SPOCK1: variants seen among roughly 807,000 people sequenced by gnomAD.
SPOCK1 encodes testican-1.
SPOCK1 carries 23 observed loss-of-function variants against 55.3 expected under a neutral mutation model. The ratio of observed to expected loss-of-function variants is 0.42; its 90% CI spans 0.30 to 0.59. SPOCK1 has a LOEUF of 0.59. Ranked by LOEUF, SPOCK1 falls within the 20% of genes least tolerant of loss-of-function variation. The probability of loss-of-function intolerance (pLI) is 0.22; values close to 1 mark genes in which losing one functional copy is unlikely to be tolerated. For missense variants in SPOCK1, 499 were observed against 552.5 expected, an observed-to-expected ratio of 0.90 and a Z score of 0.97; for synonymous variants, 226 against 221.0, an observed-to-expected ratio of 1.02 and a Z score of -0.20.
intron 5 of SPOCK1, among the ~76,000 whole-genome samples, chr5:137,087,280 T>G (rs917596485): frequency 6.6e-6 from 1 of 152,162 alleles, no homozygotes; most frequent in African/African-American, 2.4e-5. Context: ...AAGGGCTGAC[T>G]GCTGGAGGAA....
intron 3 of SPOCK1, among the ~76,000 whole-genome samples, chr5:137,223,027 C>T (rs984374521): frequency 6.6e-6 from 1 of 151,868 alleles, no homozygotes; most frequent in Non-Finnish European, 1.5e-5. Flanking sequence ...ACACGCTGAT[C>T]TAGAATGGCA....
chr5:137,085,638 G>A (rs1374828326), intron 5 of SPOCK1, among the ~76,000 whole-genome samples: 1 of 152,190 alleles, frequency 6.6e-6, no homozygotes, highest in Non-Finnish European at 1.5e-5. Flanking sequence ...CAAAGGAAAA[G>A]CCCAGCTCCA....
At chr5:137,185,342 C>G (rs1015140436) in intron 3 of SPOCK1, among the ~76,000 whole-genome samples, 3 of 152,156 alleles carry the variant, frequency 2.0e-5, no homozygotes, top group African/African-American at 7.2e-5. Context: ...AAGAACCTGC[C>G]ACCAGAAGAT....
chr5:137,302,447 C>G (rs564356772), intron 2 of SPOCK1, among the ~76,000 whole-genome samples: 47 of 150,908 alleles, frequency 3.1e-4, no homozygotes, highest in East Asian at 2.2e-3. Context: ...TGTGGTGGCA[C>G]GCACCTGTAG....
At chr5:137,283,762 A>T (rs1757211734) in intron 2 of SPOCK1, among the ~76,000 whole-genome samples, 1 of 152,158 alleles carries the variant, frequency 6.6e-6, no homozygotes, top group Non-Finnish European at 1.5e-5. Flanking sequence ...TAGAGGTAAA[A>T]GGGAATGAAA....
intron 3 of SPOCK1, among the ~76,000 whole-genome samples, chr5:137,196,443 C>G (rs1755300343): frequency 1.3e-5 from 2 of 152,248 alleles, no homozygotes; most frequent in Non-Finnish European, 2.9e-5. Context: ...GCTGGTCCCT[C>G]TGTGGCATCT....
intron 4 of SPOCK1, among the ~76,000 whole-genome samples, chr5:137,137,261 T>C (rs1177257315): frequency 1.3e-5 from 2 of 152,172 alleles, no homozygotes; most frequent in African/African-American, 4.8e-5. Context: ...AGAGGCCAAC[T>C]TGGCTGGCAA....
chr5:137,034,397 G>A (rs1367175060), intron 6 of SPOCK1, among the ~76,000 whole-genome samples: 1 of 152,142 alleles, frequency 6.6e-6, no homozygotes, highest in East Asian at 1.9e-4. Flanking sequence ...CCCCTACAGT[G>A]AGCCAAGGGA....
Position 137,148,707 on chromosome 5 carries a change from TAAAG to T in SPOCK1, c.233-8017_233-8014del, listed in dbSNP as rs921008199. Among the ~76,000 whole-genome samples, 146 of 152,244 alleles carry T rather than the reference TAAAG, an allele frequency of 9.6e-4. 1 individual carries two copies. The highest frequency in any genetic ancestry group is 3.1e-3 in the African/African-American group (129 of 41,548). On this transcript the variant is annotated intron_variant, in intron 3 of 10. Transcript: ENST00000394945. Reference sequence around the variant, plus strand: ...ATGTACTATTATCCTAATTCAACAATAAAGAAACTGATACAGAGATCAGATCATT... The same window carrying T: ...ATGTACTATTATCCTAATTCAACAATAAACTGATACAGAGATCAGATCATT...
intron 5 of SPOCK1, among the ~76,000 whole-genome samples, chr5:137,108,220 C>G (rs1268607644): frequency 1.3e-5 from 2 of 152,174 alleles, no homozygotes; most frequent in East Asian, 3.8e-4. Context: ...GGAGCAATGT[C>G]TAAAACACTC....
chr5:137,339,187 C>T (rs1017052411), intron 2 of SPOCK1, among the ~76,000 whole-genome samples: 11 of 152,206 alleles, frequency 7.2e-5, no homozygotes, highest in Non-Finnish European at 1.2e-4. Flanking sequence ...ATCCATCTCC[C>T]TTTCTATAGG....
chr5:137,448,373 C>G (rs1753174935), intron 2 of SPOCK1, among the ~76,000 whole-genome samples: 1 of 152,190 alleles, frequency 6.6e-6, no homozygotes, highest in South Asian at 2.1e-4. Context: ...AGGGTCCATC[C>G]TCCTTCTACC....
chr5:137,423,602 C>T (rs184708426), intron 2 of SPOCK1, among the ~76,000 whole-genome samples: 207 of 152,334 alleles, frequency 1.4e-3, no homozygotes, highest in African/African-American at 4.5e-3. Flanking sequence ...ATATAATCTC[C>T]TGGGGTGCCG....
chr5:137,079,283 T>A (rs1233521148), intron 5 of SPOCK1, among the ~76,000 whole-genome samples: 3 of 152,016 alleles, frequency 2.0e-5, no homozygotes, highest in African/African-American at 7.3e-5. Context: ...TAAAAAAGAG[T>A]ATGTACTAAA....
chr5:137,458,116 G>C (rs1042603263), intron 2 of SPOCK1, among the ~76,000 whole-genome samples: 7 of 152,148 alleles, frequency 4.6e-5, no homozygotes, highest in African/African-American at 1.4e-4. Context: ...AGTCAGAAAA[G>C]CACATTTCAG....
chr5:137,399,527 A>T (rs1684119297), intron 2 of SPOCK1, among the ~76,000 whole-genome samples: 1 of 152,158 alleles, frequency 6.6e-6, no homozygotes, highest in Admixed American at 6.5e-5. Flanking sequence ...TATTAAAAAA[A>T]AAAACAACCT....
At chr5:137,358,275 G>A (rs1237714503) in intron 2 of SPOCK1, among the ~76,000 whole-genome samples, 3 of 151,758 alleles carry the variant, frequency 2.0e-5, no homozygotes, top group Non-Finnish European at 4.4e-5. Context: ...TCCCCAACAG[G>A]TGATGTTCAT....
intron 6 of SPOCK1, among the ~76,000 whole-genome samples, chr5:137,007,592 C>T (rs1001128271): frequency 6.6e-5 from 10 of 152,144 alleles, no homozygotes; most frequent in African/African-American, 2.4e-4. Flanking sequence ...CAATGAGATA[C>T]CATCTCAGGC....
In SPOCK1 at chr5:137,243,707, C is replaced by A. The variant is rs549330749; in HGVS notation, c.232+23303G>T. 6.6e-5 allele frequency among the ~76,000 whole-genome samples: 10 copies of A among 152,310 alleles called. No individual in the cohort carries two copies. In the South Asian group the frequency reaches 2.1e-3, roughly 32 times the overall value. On this transcript the variant is annotated intron_variant, in intron 3 of 10. Transcript: ENST00000394945. ...CTGATGGTGCTGCTGATTCAATTTT[C>A]TGCTTGCATAAATATCTGCTAAATC...
Sources: allele counts gnomAD v4.1 joint callset (sites outside exome capture counted in the v4.1 genomes callset), GRCh38; gene constraint gnomAD v4.1.1; transcripts MANE v1.5; gene names NCBI Gene and HGNC (gene_info 2026-07-23, HGNC 2026-07-21).